The following STXBP4 variants were observed in gnomAD, a reference collection of about 807,000 sequenced individuals.
The protein encoded by STXBP4 is syntaxin-binding protein 4.
A neutral mutation model predicts 76.1 loss-of-function variants in STXBP4; 55 were observed. The ratio of observed to expected loss-of-function variants is 0.72; its 90% CI spans 0.58 to 0.91. The LOEUF is 0.91. Ranked by LOEUF, STXBP4 falls within the 40% of genes least tolerant of loss-of-function variation. STXBP4 has a pLI of 0.00. For missense variants in STXBP4, 618 were observed against 636.9 expected, an observed-to-expected ratio of 0.97 and a Z score of 0.32; for synonymous variants, 201 against 220.2, an observed-to-expected ratio of 0.91 and a Z score of 0.77.
the STXBP4 span, among the ~76,000 whole-genome samples, chr17:55,200,833 TAACA>T: frequency 1.3e-5 from 2 of 152,188 alleles, no homozygotes; most frequent in Non-Finnish European, 2.9e-5. Context: ...TTTTAACAAT[TAACA>T]AACATAGTGC....
intron 8 of STXBP4, among the ~76,000 whole-genome samples, chr17:55,009,353 T>C (rs991299600): frequency 3.3e-5 from 5 of 152,206 alleles, no homozygotes; most frequent in Non-Finnish European, 4.4e-5. Context: ...TTCAATGATA[T>C]TGATTTAGTA....
intron 16 of STXBP4, among the ~76,000 whole-genome samples, chr17:55,120,913 C>G (rs2079836637): frequency 6.6e-6 from 1 of 152,130 alleles, no homozygotes; most frequent in African/African-American, 2.4e-5. Flanking sequence ...TGTTCTAGCC[C>G]TTGCACACAG....
At position 55,161,529 on chromosome 17, in the gene STXBP4, T is replaced by G. The variant is rs1046308833; in HGVS notation, c.*1618T>G. ...TTCTCTCCCCCTGCTTGAAGAGTTT[T>G]CTAATTCGTTTCTAGTGAGCAAAAC... On this transcript the variant is annotated 3_prime_UTR_variant, in exon 18 of 18. Coordinates refer to ENST00000376352, the MANE Select transcript of STXBP4 (RefSeq NM_178509.6). The G allele has an allele frequency of 3.9e-5, 6 of 152,202 alleles. No individual in the cohort carries two copies. The highest frequency in any genetic ancestry group is 3.9e-4 in the Admixed American group (6 of 15,272). 9.4% of individuals were successfully genotyped at this position (152,202 alleles called of 1,614,324 possible).
chr17:54,997,751 ATTTT>A (rs11291147), intron 4 of STXBP4, among the ~76,000 whole-genome samples: 1 of 120,674 alleles, frequency 8.3e-6, no homozygotes, highest in Non-Finnish European at 1.7e-5. Context: ...TGTGCCAGCT[ATTTT>A]TTTTTTTTTT....
At chr17:55,040,058 C>G (rs903892362) in intron 10 of STXBP4, among the ~76,000 whole-genome samples, 1 of 152,030 alleles carries the variant, frequency 6.6e-6, no homozygotes, top group Non-Finnish European at 1.5e-5. Flanking sequence ...CCCCCTTTCT[C>G]CATTTAAGGA....
intron 1 of STXBP4, among the ~76,000 whole-genome samples, chr17:54,974,751 G>A (rs2077445984): frequency 6.6e-6 from 1 of 152,242 alleles, no homozygotes; most frequent in Admixed American, 6.5e-5. Flanking sequence ...AAGTGGCATT[G>A]TACAGTAAGC....
At chr17:55,196,349 C>G in the STXBP4 span, among the ~76,000 whole-genome samples, 1 of 152,282 alleles carries the variant, frequency 6.6e-6, no homozygotes, top group Non-Finnish European at 1.5e-5. Context: ...CCCCATACTC[C>G]AGCCAGCTCC....
intron 9 of STXBP4, among the ~76,000 whole-genome samples, chr17:55,033,581 G>GT (rs1373522100): frequency 6.6e-6 from 1 of 152,120 alleles, no homozygotes; most frequent in African/African-American, 2.4e-5. Context: ...ACATAGATGA[G>GT]TAAGTTACTC....
chr17:54,978,331 A>C (rs2144308160), intron 1 of STXBP4, among the ~76,000 whole-genome samples: 1 of 152,314 alleles, frequency 6.6e-6, no homozygotes, highest in South Asian at 2.1e-4. Context: ...TGCAATAAAA[A>C]AAACATGAAA....
intron 16 of STXBP4, among the ~76,000 whole-genome samples, chr17:55,083,998 G>A (rs2079291573): frequency 6.6e-6 from 1 of 152,328 alleles, no homozygotes; most frequent in Middle Eastern, 3.4e-3. Context: ...AGAATAATAT[G>A]TGATACATTA....
intron 12 of STXBP4, among the ~76,000 whole-genome samples, chr17:55,070,605 GT>G (rs1385239207): frequency 6.6e-6 from 1 of 152,142 alleles, no homozygotes; most frequent in Non-Finnish European, 1.5e-5. Context: ...CTAAAGCACT[GT>G]TTTCTCATAT....
intron 16 of STXBP4, among the ~76,000 whole-genome samples, chr17:55,083,070 C>T (rs1275147544): frequency 6.6e-6 from 1 of 151,808 alleles, no homozygotes; most frequent in African/African-American, 2.4e-5. Flanking sequence ...CCCCATCACT[C>T]CCACCCCTAG....
intron 17 of STXBP4, among the ~76,000 whole-genome samples, chr17:55,144,426 G>A (rs2080128512): frequency 6.6e-6 from 1 of 152,076 alleles, no homozygotes; most frequent in Non-Finnish European, 1.5e-5. Context: ...CTTATACAGA[G>A]GCCAGTGAAC....
At chr17:55,197,029 A>G in the STXBP4 span, among the ~76,000 whole-genome samples, 1 of 152,256 alleles carries the variant, frequency 6.6e-6, no homozygotes, top group African/African-American at 2.4e-5. Flanking sequence ...TATGGAAGGC[A>G]ATCTGGGATG....
chr17:55,202,979 C>T, the STXBP4 span, among the ~76,000 whole-genome samples: 1 of 152,246 alleles, frequency 6.6e-6, no homozygotes, highest in South Asian at 2.1e-4. Flanking sequence ...CATTTTTCCA[C>T]TAAGTTTGCT....
intron 16 of STXBP4, among the ~76,000 whole-genome samples, chr17:55,091,063 G>A (rs760512931): frequency 4.6e-5 from 7 of 152,116 alleles, no homozygotes; most frequent in Non-Finnish European, 8.8e-5. Flanking sequence ...AAGGAAGCAA[G>A]GAGCGGGAAT....
chr17:55,071,320 A>G (rs1307388418), intron 12 of STXBP4, among the ~76,000 whole-genome samples: 1 of 150,776 alleles, frequency 6.6e-6, no homozygotes, highest in Non-Finnish European at 1.5e-5. Context: ...CCCTATATTC[A>G]CTCTTGTTAC....
chr17:55,044,391 A>C (rs1284723353), intron 11 of STXBP4: 1 of 151,890 alleles, frequency 6.6e-6, no homozygotes, highest in East Asian at 1.9e-4. Context: ...ACCAAAAGGA[A>C]AGAAAATTTG....
Position 54,999,734 on chromosome 17 carries a change from T to C in STXBP4, c.390T>C (p.Tyr130=). 6.2e-7 allele frequency: 1 copy of C among 1,613,734 alleles called. No individual in the cohort carries two copies. The highest frequency in any genetic ancestry group is 8.5e-7 in the Non-Finnish European group (1 of 1,179,806). The change falls in exon 6 of 18, where the codon TAT becomes TAC. Residue 130 remains tyrosine, a synonymous_variant. Coordinates refer to ENST00000376352, the MANE Select transcript of STXBP4 (RefSeq NM_178509.6). ...CACTTATAGAAGCTTCAGGAGAATA[T>C]GGACCTCAAGCCTCAACATTAAGTC... is the stretch of plus-strand genomic sequence containing the variant. ...CTSLIEASGE[Y]GPQASTLSLF...
Sources: allele counts gnomAD v4.1 joint callset (sites outside exome capture counted in the v4.1 genomes callset), GRCh38; gene constraint gnomAD v4.1.1; transcripts MANE v1.5; gene names NCBI Gene and HGNC (gene_info 2026-07-23, HGNC 2026-07-21).